PAX7: variants seen among roughly 807,000 people sequenced by gnomAD.
PAX7 encodes paired box 7.
PAX7 carries 18 observed loss-of-function variants against 50.7 expected under a neutral mutation model. The observed-to-expected ratio is 0.36, with a 90% confidence interval of 0.25 to 0.53. The LOEUF is 0.53. PAX7 is among the 20% of genes least tolerant of loss of function. The probability of loss-of-function intolerance (pLI) is 0.93; values close to 1 mark genes in which losing one functional copy is unlikely to be tolerated. For missense variants in PAX7, 644 were observed against 702.9 expected (o/e 0.92, Z 0.95); for synonymous variants, 310 against 290.4 (o/e 1.07, Z -0.69).
At chr1:18,710,967 T>C (rs114954510) in intron 7 of PAX7, among the ~76,000 whole-genome samples, 5,638 of 152,314 alleles carry the variant, frequency 0.037, 369 homozygotes, top group African/African-American at 0.13. Flanking sequence ...TAACCCCAGC[T>C]GCGCGCTCCT....
chr1:18,632,756 C>G lies in PAX7; in HGVS notation c.85+1068C>G, dbSNP rs1447947365. ...CTGGCAGCCTGCGATCCGGGAGGAG[C>G]TCCCTTGGGCAGCGAGACGGCGCCG... On this transcript the variant is annotated intron_variant, in intron 1 of 8. Transcript: ENST00000420770. The surrounding 1 kb of genome is among the most constrained non-coding windows in gnomAD (Gnocchi z 6.3). Among the ~76,000 whole-genome samples, 11 of 152,054 alleles carry G rather than the reference C, an allele frequency of 7.2e-5. No individual in the cohort carries two copies. Among genetic ancestry groups the G allele is most frequent in the Non-Finnish European group, 4.4e-5 (3 of 68,010 alleles).
intron 7 of PAX7, among the ~76,000 whole-genome samples, chr1:18,715,628 C>G (rs182103460): frequency 6.3e-4 from 96 of 152,218 alleles, no homozygotes; most frequent in African/African-American, 2.3e-3. Context: ...GGGCTCAATC[C>G]CCAGCATTGT....
intron 4 of PAX7, among the ~76,000 whole-genome samples, chr1:18,657,177 C>T (rs1192656789): frequency 6.6e-6 from 1 of 152,058 alleles, no homozygotes; most frequent in African/African-American, 2.4e-5. Flanking sequence ...AGGTTGAGAT[C>T]CCATTGCTTT....
In PAX7 at chr1:18,635,252, G is replaced by C. The variant is rs137899505; in HGVS notation, c.451+12G>C. 6 of 1,612,846 alleles carry C rather than the reference G, an allele frequency of 3.7e-6. No individual in the cohort carries two copies. The highest frequency in any genetic ancestry group is 1.7e-5 in the Admixed American group (1 of 59,952). ...CACTGTGCCCTCAGGTGAGAAGGCAGCTGAGCCGGCAGAGCTGGCCCAGAG... is the reference window on the plus strand; with the variant it reads ...CACTGTGCCCTCAGGTGAGAAGGCACCTGAGCCGGCAGAGCTGGCCCAGAG... On this transcript the variant is annotated intron_variant, in intron 3 of 8. Coordinates refer to ENST00000420770, the MANE Select transcript of PAX7 (RefSeq NM_001135254.2).
In PAX7 at chr1:18,693,359, C is replaced by G. The variant is rs962818806; in HGVS notation, c.786+1406C>G. Among the ~76,000 whole-genome samples the G allele has an allele frequency of 2.6e-5, 4 of 152,272 alleles. No individual in the cohort carries two copies. In the South Asian group the frequency reaches 8.3e-4, roughly 32 times the overall value. ...CCACCTTGTCGGGTCAGCGTGGTCACCCCCTGCAAGCCACGGGTGCAGAAA... is the reference window on the plus strand; with the variant it reads ...CCACCTTGTCGGGTCAGCGTGGTCAGCCCCTGCAAGCCACGGGTGCAGAAA... On this transcript the variant is annotated intron_variant, in intron 5 of 8. Coordinates refer to ENST00000420770, the MANE Select transcript of PAX7 (RefSeq NM_001135254.2).
intron 4 of PAX7, among the ~76,000 whole-genome samples, chr1:18,684,398 C>T (rs1465101138): frequency 6.6e-6 from 1 of 152,236 alleles, no homozygotes; most frequent in African/African-American, 2.4e-5. Context: ...GCTTCATCCT[C>T]TCCTGGGCCC....
At position 18,674,990 on chromosome 1, in the gene PAX7, G is replaced by A. The variant is rs1387243424; in HGVS notation, c.587-16764G>A. On this transcript the variant is annotated intron_variant, in intron 4 of 8. Transcript: ENST00000420770. ...CTAACACTTGACAGCTGGTCTAGAA[G>A]ATGTTGGGGAGGTGGCTTGCTTTGC... Among the ~76,000 whole-genome samples, 5 of 152,206 alleles carry A rather than the reference G, an allele frequency of 3.3e-5. No homozygotes were observed. The East Asian group carries it at 7.7e-4, about 23-fold the overall frequency.
At chr1:18,734,840 C>T (rs915703808) in intron 7 of PAX7, among the ~76,000 whole-genome samples, 2 of 152,206 alleles carry the variant, frequency 1.3e-5, no homozygotes, top group Admixed American at 1.3e-4. Flanking sequence ...CCATCCATGC[C>T]TGTTTGTGGA....
In PAX7 at chr1:18,700,844, A is replaced by C; in HGVS notation, c.952+26A>C. The stretch of plus-strand genomic sequence containing the variant: ...GTGAGTGTCTTGGCCCCGTCCTGCC[A>C]TCTCAGTGGTGCCCCTTCCCTTCTT... On this transcript the variant is annotated intron_variant, in intron 6 of 8. Transcript: ENST00000420770. The surrounding 1 kb of genome is among the most constrained non-coding windows in gnomAD (Gnocchi z 4.8). 3 of 1,392,800 alleles carry C rather than the reference A, an allele frequency of 2.2e-6. No individual in the cohort carries two copies. The highest frequency in any genetic ancestry group is 2.8e-6 in the Non-Finnish European group (3 of 1,063,672). 86.3% of individuals were successfully genotyped at this position (1,392,800 alleles called of 1,614,324 possible).
intron 4 of PAX7, among the ~76,000 whole-genome samples, chr1:18,678,048 C>T (rs2088848223): frequency 6.9e-6 from 1 of 145,110 alleles, no homozygotes; most frequent in Non-Finnish European, 1.5e-5. Flanking sequence ...TGCCACTGCA[C>T]TCCAGCCTGG....
chr1:18,739,847 G>A (rs1412567490), intron 8 of PAX7, among the ~76,000 whole-genome samples: 1 of 152,218 alleles, frequency 6.6e-6, no homozygotes, highest in Non-Finnish European at 1.5e-5. Context: ...GGGGCACATG[G>A]CAGATTAATA....
chr1:18,666,735 C>T (rs2088675151), intron 4 of PAX7, among the ~76,000 whole-genome samples: 1 of 152,204 alleles, frequency 6.6e-6, no homozygotes, highest in Non-Finnish European at 1.5e-5. Flanking sequence ...AACCCTTCAC[C>T]CAGGTGCTGT....
intron 4 of PAX7, among the ~76,000 whole-genome samples, chr1:18,638,051 C>T (rs1371564994): frequency 6.6e-6 from 1 of 152,246 alleles, no homozygotes; most frequent in East Asian, 1.9e-4. Context: ...GGAGGGGAGG[C>T]ATAGAACTCG....
At chr1:18,645,107 C>T (rs1291571945) in intron 4 of PAX7, among the ~76,000 whole-genome samples, 1 of 152,180 alleles carries the variant, frequency 6.6e-6, no homozygotes, top group Non-Finnish European at 1.5e-5. Flanking sequence ...TGTCTTGTGT[C>T]TGGGTGTTTG....
chr1:18,725,315 C>CT (rs1283493000), intron 7 of PAX7, among the ~76,000 whole-genome samples: 1 of 143,946 alleles, frequency 6.9e-6, no homozygotes, highest in Non-Finnish European at 1.5e-5. Flanking sequence ...CCCCCCCCGC[C>CT]CCACCAACAC....
intron 4 of PAX7, among the ~76,000 whole-genome samples, chr1:18,678,154 G>A (rs554443458): frequency 3.7e-4 from 56 of 152,188 alleles, no homozygotes; most frequent in Non-Finnish European, 6.9e-4. Flanking sequence ...GCTCACGCCT[G>A]TAATCCCAGC....
Position 18,700,064 on chromosome 1 carries a change from T to C in PAX7, c.787-589T>C, listed in dbSNP as rs903244505. Among the ~76,000 whole-genome samples the C allele has an allele frequency of 4.7e-5, 7 of 148,620 alleles. No individual in the cohort carries two copies. The highest frequency in any genetic ancestry group is 1.5e-4 in the African/African-American group (6 of 39,612). The stretch of plus-strand genomic sequence containing the variant: ...AAATGTTGGGTTATTATCCCACTAA[T>C]GTTTGATAAATCCGTGTGTGTGTGT... On this transcript the variant is annotated intron_variant, in intron 5 of 8. Coordinates refer to ENST00000420770, the MANE Select transcript of PAX7 (RefSeq NM_001135254.2). This position sits in a 1 kb window ranked among gnomAD's most constrained non-coding sequence, Gnocchi z 4.8.
rs148081584 is a variant in PAX7 at position 18,735,692 on chromosome 1, A to G, written c.1216A>G (p.Ile406Val). The G allele has an allele frequency of 1.9e-6, 3 of 1,613,996 alleles. No homozygotes were observed. The highest frequency in any genetic ancestry group is 2.2e-5 in the East Asian group (1 of 44,856). ...CCCGCAGCCACAGGCTGACTTCTCC[A>G]TCTCCCCGCTGCATGGCGGCCTGGA... Reference protein sequence around the residue: ...VPPQPQADFSISPLHGGLDSA... With the variant: ...VPPQPQADFSVSPLHGGLDSA... Residue 406 changes from isoleucine to valine, a missense_variant, in exon 8 of 9, where the codon ATC becomes GTC. Ile to Val is a conservative substitution (Grantham distance 29). Coordinates refer to ENST00000420770, the MANE Select transcript of PAX7 (RefSeq NM_001135254.2). The surrounding 1 kb of genome is among the most constrained non-coding windows in gnomAD (Gnocchi z 4.0).
At chr1:18,647,658 C>A (rs1468758896) in intron 4 of PAX7, among the ~76,000 whole-genome samples, 1 of 152,080 alleles carries the variant, frequency 6.6e-6, no homozygotes, top group East Asian at 1.9e-4. Flanking sequence ...AGCGTAAATG[C>A]TATAATTACG....
Sources: gnomAD v4.1 joint callset for allele counts (sites outside exome capture counted in the v4.1 genomes callset) on GRCh38, gnomAD v4.1.1 for gene constraint, Gnocchi (gnomAD v3.1) non-coding constraint, MANE v1.5 for transcripts, NCBI Gene and HGNC (gene_info 2026-07-23, HGNC 2026-07-21) for gene names.